The following YAF2 variants were observed in gnomAD, a reference collection of about 807,000 sequenced individuals.
The protein encoded by YAF2 is YY1 associated factor 2, also known as YY1-associated factor 2.
In YAF2, 7 loss-of-function variants were observed where a neutral mutation model predicts 20.1. The ratio of observed to expected loss-of-function variants is 0.35; its 90% confidence interval spans 0.20 to 0.65. The LOEUF is 0.65. Ranked by LOEUF, YAF2 falls within the 30% of genes least tolerant of loss-of-function variation. The probability of loss-of-function intolerance (pLI) is 0.69; values close to 1 mark genes in which losing one functional copy is unlikely to be tolerated. For synonymous variants in YAF2, 74 were observed against 76.0 expected (o/e 0.97, Z 0.14); for missense variants, 151 against 219.2 (o/e 0.69, Z 1.96).
chr12:42,226,379 A>C (rs889126036), intron 2 of YAF2, among the ~76,000 whole-genome samples: 2 of 152,162 alleles, frequency 1.3e-5, no homozygotes, highest in African/African-American at 4.8e-5. Flanking sequence ...TAATGCTAAA[A>C]CATCTGGGTG....
At chr12:42,228,497 C>T (rs868761679) in intron 2 of YAF2, among the ~76,000 whole-genome samples, 5 of 54,784 alleles carry the variant, frequency 9.1e-5, no homozygotes, top group East Asian at 1.5e-3. Context: ...TCAGCCCCCC[C>T]GCCTGGCCAG....
chr12:42,232,913 G>C, intron 2 of YAF2: 1 of 985,232 alleles, frequency 1.0e-6, no homozygotes, highest in Non-Finnish European at 1.2e-6. Flanking sequence ...CACCTCTTCA[G>C]CCTACACATA....
chr12:42,210,935 G>T, intron 2 of YAF2: 1 of 239,500 alleles, frequency 4.2e-6, no homozygotes, highest in South Asian at 1.1e-4. Context: ...CAGCCACCAG[G>T]CTATTTCATT....
Position 42,237,739 on chromosome 12 carries a change from C to G in YAF2, c.27-15G>C. 1 of 1,522,636 alleles carries G rather than the reference C, an allele frequency of 6.6e-7. No homozygotes were observed. The highest frequency in any genetic ancestry group is 2.8e-5 in the East Asian group (1 of 35,364). The allele number at this position is 1,522,636 out of a possible 1,614,324, so 94.3% of individuals were successfully genotyped here. ...GCCGCTTCGGCCTGCAGGACACAAC[C>G]CGGACACGACGCGGCGCGGGGTCAC... On this transcript the variant is annotated splice_polypyrimidine_tract_variant and intron_variant, in intron 1 of 3. Transcript: ENST00000534854.
intron 2 of YAF2, among the ~76,000 whole-genome samples, chr12:42,190,942 CT>C (rs770058246): frequency 6.6e-6 from 1 of 151,516 alleles, no homozygotes; most frequent in Non-Finnish European, 1.5e-5. Flanking sequence ...ACAATGTAAC[CT>C]ACTTAACAAT....
chr12:42,178,145 A>G lies in YAF2; in HGVS notation c.153-16380T>C, dbSNP rs141168685. ...ATTTTGTATCAATAAAGAAAAATAA[A>G]TATTTAATGTTTTTAATGAATGAAC... On this transcript the variant is annotated intron_variant, in intron 2 of 3. Coordinates refer to ENST00000534854, the MANE Select transcript of YAF2 (RefSeq NM_005748.6). Among the ~76,000 whole-genome samples, 3 of 152,290 alleles carry G rather than the reference A, an allele frequency of 2.0e-5. No homozygotes were observed. In the East Asian group the frequency reaches 5.8e-4, roughly 29 times the overall value.
At chr12:42,199,777 A>G (rs2066850853) in intron 2 of YAF2, among the ~76,000 whole-genome samples, 1 of 152,188 alleles carries the variant, frequency 6.6e-6, no homozygotes, top group African/African-American at 2.4e-5. Flanking sequence ...TCTAATATTA[A>G]AAGACTATTA....
chr12:42,225,966 G>A (rs2137344623), intron 2 of YAF2, among the ~76,000 whole-genome samples: 1 of 152,274 alleles, frequency 6.6e-6, no homozygotes, highest in African/African-American at 2.4e-5. Context: ...ATTACTTTGG[G>A]AAGTATGGCC....
intron 2 of YAF2, among the ~76,000 whole-genome samples, chr12:42,216,608 T>G (rs1276242302): frequency 6.6e-6 from 1 of 152,070 alleles, no homozygotes; most frequent in African/African-American, 2.4e-5. Flanking sequence ...AGGCAATCTA[T>G]TCCCTCCCTG....
chr12:42,175,332 T>C lies in YAF2; in HGVS notation c.153-13567A>G, dbSNP rs551074735. ...CTAATTTATAGTGACAGAAAGCAGA[T>C]CAGTAGTTGCCTAGCAACCAGAGAT... On this transcript the variant is annotated intron_variant, in intron 2 of 3. Transcript: ENST00000534854. Among the ~76,000 whole-genome samples, 25 of 152,066 alleles carry C rather than the reference T, an allele frequency of 1.6e-4. No individual in the cohort carries two copies. In the South Asian group the frequency reaches 2.1e-3, roughly 13 times the overall value.
intron 2 of YAF2, among the ~76,000 whole-genome samples, chr12:42,216,321 T>C (rs1474849039): frequency 1.3e-5 from 2 of 152,150 alleles, no homozygotes; most frequent in Non-Finnish European, 2.9e-5. Flanking sequence ...GCCATACTTA[T>C]TAAAACAAAT....
intron 2 of YAF2, among the ~76,000 whole-genome samples, chr12:42,176,614 T>A (rs1428747716): frequency 2.6e-5 from 4 of 152,004 alleles, no homozygotes; most frequent in Admixed American, 6.6e-5. Context: ...TCAAAATAAG[T>A]CTAAAATTGA....
At chr12:42,190,879 T>C (rs1329062042) in intron 2 of YAF2, among the ~76,000 whole-genome samples, 4 of 152,096 alleles carry the variant, frequency 2.6e-5, no homozygotes, top group Non-Finnish European at 4.4e-5. Flanking sequence ...TTGTAGAGTA[T>C]GTGGTTAATA....
At position 42,233,079 on chromosome 12, in the gene YAF2, T is replaced by C. The variant is rs998876204; in HGVS notation, c.152+4520A>G. The C allele has an allele frequency of 1.6e-5, 16 of 985,254 alleles. No individual in the cohort carries two copies. In the East Asian group the frequency reaches 3.4e-4, roughly 21 times the overall value. 61.0% of individuals were successfully genotyped at this position (985,254 alleles called of 1,614,324 possible). ...CCAACTCAGCCCTTAAATAAGATGC[T>C]CAATAAACATTTGCTGAATGCTGAA... On this transcript the variant is annotated intron_variant, in intron 2 of 3. Transcript: ENST00000534854.
chr12:42,180,220 C>T (rs918542257), intron 2 of YAF2, among the ~76,000 whole-genome samples: 5 of 152,124 alleles, frequency 3.3e-5, no homozygotes, highest in African/African-American at 1.2e-4. Flanking sequence ...CAGCAAAAAC[C>T]GATTGGATGT....
chr12:42,194,394 A>G (rs1194341916), intron 2 of YAF2, among the ~76,000 whole-genome samples: 2 of 152,214 alleles, frequency 1.3e-5, no homozygotes, highest in African/African-American at 2.4e-5. Flanking sequence ...CTGTAATCCT[A>G]ACAGTTCGGG....
intron 2 of YAF2, among the ~76,000 whole-genome samples, chr12:42,208,235 C>A (rs1342635329): frequency 6.6e-6 from 1 of 152,080 alleles, no homozygotes; most frequent in Non-Finnish European, 1.5e-5. Context: ...CAAAACCTGG[C>A]TAACATGGTG....
Position 42,184,719 on chromosome 12 carries a change from C to T in YAF2, c.153-22954G>A, listed in dbSNP as rs535592428. On this transcript the variant is annotated intron_variant, in intron 2 of 3. Transcript: ENST00000534854. ...AGATTGAAACCTTCTGGAAAGGCTT[C>T]GCCATTCTAGATGTCATTAAGAACA... 6.6e-5 allele frequency among the ~76,000 whole-genome samples: 10 copies of T among 152,234 alleles called. No homozygotes were observed. The South Asian group carries it at 1.5e-3, about 22-fold the overall frequency.
intron 2 of YAF2, among the ~76,000 whole-genome samples, chr12:42,166,566 C>T (rs1223295988): frequency 6.6e-6 from 1 of 152,154 alleles, no homozygotes; most frequent in Non-Finnish European, 1.5e-5. Context: ...ATCATATATA[C>T]TTTTTGTGCT....
Sources: allele counts gnomAD v4.1 joint callset (sites outside exome capture counted in the v4.1 genomes callset), GRCh38; gene constraint gnomAD v4.1.1; transcripts MANE v1.5; gene names NCBI Gene and HGNC (gene_info 2026-07-23, HGNC 2026-07-21).